Variants in CYB561D1 observed in about 807,000 individuals in gnomAD.
CYB561D1 encodes the protein cytochrome b561 family member D1.
In CYB561D1, 15 loss-of-function variants were observed where a neutral mutation model predicts 19.2. The observed-to-expected ratio is 0.78, with a 90% confidence interval of 0.52 to 1.20. CYB561D1 has a LOEUF of 1.20. CYB561D1 is among the 50% of genes most tolerant of loss of function. The pLI is 0.00. For synonymous variants in CYB561D1, 133 were observed against 120.6 expected (o/e 1.10, Z -0.68); for missense variants, 297 against 287.3 (o/e 1.03, Z -0.24).
intron 1 of CYB561D1, 192 bp downstream of exon 1, chr1:109,494,479 G>A (rs772954720): frequency 2.6e-6 from 4 of 1,546,900 alleles, no homozygotes; most frequent in South Asian, 1.2e-5. Context: ...GGTGCTGTGG[G>A]GGAAGGGCAG....
intron 1 of CYB561D1, among the ~76,000 whole-genome samples, chr1:109,494,843 A>T (rs1419351755): frequency 6.7e-6 from 1 of 148,518 alleles, no homozygotes; most frequent in Non-Finnish European, 1.5e-5. Flanking sequence ...TATCAAAAAA[A>T]AAACAAAAAA....
In CYB561D1 at chr1:109,498,536, C is replaced by G. The variant is rs1321800509; in HGVS notation, c.*2277C>G. 6.6e-6 allele frequency: 1 copy of G among 152,360 alleles called. No homozygotes were observed. The highest frequency in any genetic ancestry group is 1.9e-4 in the East Asian group (1 of 5,170). The allele number at this position is 152,360 out of a possible 1,614,324, so 9.4% of individuals were successfully genotyped here. On this transcript the variant is annotated 3_prime_UTR_variant, in exon 3 of 3. Coordinates refer to ENST00000420578, the MANE Select transcript of CYB561D1 (RefSeq NM_182580.3). The stretch of plus-strand genomic sequence containing the variant: ...ATTGTGGAGGGACTTCCCTCCCCCT[C>G]TTTTCCATTTCTCCCTCCATCACCA...
At position 109,500,083 on chromosome 1, in the gene CYB561D1, CT is replaced by C. The variant is rs1657815643; in HGVS notation, c.*3825del. 1.4e-5 allele frequency: 2 copies of C among 145,230 alleles called. No homozygotes were observed. Among genetic ancestry groups the C allele is most frequent in the Admixed American group, 1.3e-4 (2 of 15,052 alleles). The allele number at this position is 145,230 out of a possible 1,614,324, so 9.0% of individuals were successfully genotyped here. Reference sequence around the variant, plus strand: ...ACTTCCAGTACTCCTGCCCTTCCTTCTGTTTACCTGGCTTGGCCTACAGGGG... The same window carrying C: ...ACTTCCAGTACTCCTGCCCTTCCTTCGTTTACCTGGCTTGGCCTACAGGGG... On this transcript the variant is annotated 3_prime_UTR_variant, in exon 3 of 3. Transcript: ENST00000420578.
In CYB561D1 at chr1:109,495,128, CTCTT is replaced by C; in HGVS notation, c.149-13_149-10del. Reference sequence around the variant, plus strand: ...AATGGTACCAAGCCCTCAGCCTGTTCTCTTTGATTCTTAGGTCTTTTCTCCTGGC... The same window carrying C: ...AATGGTACCAAGCCCTCAGCCTGTTCTGATTCTTAGGTCTTTTCTCCTGGC... On this transcript the variant is annotated splice_polypyrimidine_tract_variant and intron_variant, in intron 1 of 2. Transcript: ENST00000420578. 6.2e-7 allele frequency: 1 copy of C among 1,614,202 alleles called. No homozygotes were observed. Among genetic ancestry groups the C allele is most frequent in the Non-Finnish European group, 8.5e-7 (1 of 1,180,028 alleles).
rs1017176687 is a variant in CYB561D1 at position 109,497,397 on chromosome 1, T to A, written c.*1138T>A. 6.6e-6 allele frequency: 1 copy of A among 152,268 alleles called. No individual in the cohort carries two copies. The highest frequency in any genetic ancestry group is 6.5e-5 in the Admixed American group (1 of 15,294). The allele number at this position is 152,268 out of a possible 1,614,324, so 9.4% of individuals were successfully genotyped here. A position where few individuals can be genotyped will look rare whatever the true frequency, so the allele number is the denominator to read the frequency against. On this transcript the variant is annotated 3_prime_UTR_variant, in exon 3 of 3. Transcript: ENST00000420578. ...TTATCTAAGCTTTCCTCAGTTGTCA[T>A]CTCTTCCCAGCTCTTTGGTCCAAGA...
At position 109,497,916 on chromosome 1, in the gene CYB561D1, G is replaced by A. The variant is rs1657661389; in HGVS notation, c.*1657G>A. On this transcript the variant is annotated 3_prime_UTR_variant, in exon 3 of 3. Coordinates refer to ENST00000420578, the MANE Select transcript of CYB561D1 (RefSeq NM_182580.3). ...CCTCCTGGGGGAGATTGCATCTCCAGGACAAGCATCTAAAGGAGGCCCCTG... is the reference window on the plus strand; with the variant it reads ...CCTCCTGGGGGAGATTGCATCTCCAAGACAAGCATCTAAAGGAGGCCCCTG... 6.6e-6 allele frequency: 1 copy of A among 152,398 alleles called. No individual in the cohort carries two copies. The highest frequency in any genetic ancestry group is 1.9e-4 in the East Asian group (1 of 5,182). The allele number at this position is 152,398 out of a possible 1,614,324, so 9.4% of individuals were successfully genotyped here. A position where few individuals can be genotyped will look rare whatever the true frequency, so the allele number is the denominator to read the frequency against.
At position 109,499,925 on chromosome 1, in the gene CYB561D1, G is replaced by T. The variant is rs373299716; in HGVS notation, c.*3666G>T. Reference sequence around the variant, plus strand: ...TAGCCACGCCTTGCAGTGACTTCTCGTCTGGGAGTGGGCACTGAGTCCTCT... The same window carrying T: ...TAGCCACGCCTTGCAGTGACTTCTCTTCTGGGAGTGGGCACTGAGTCCTCT... On this transcript the variant is annotated 3_prime_UTR_variant, in exon 3 of 3. Transcript: ENST00000420578. 6.6e-6 allele frequency: 1 copy of T among 152,266 alleles called. No homozygotes were observed. Among genetic ancestry groups the T allele is most frequent in the African/African-American group, 2.4e-5 (1 of 41,444 alleles). 9.4% of individuals were successfully genotyped at this position (152,266 alleles called of 1,614,324 possible).
At position 109,496,059 on chromosome 1, in the gene CYB561D1, C is replaced by G; in HGVS notation, c.490C>G (p.Leu164Val). Residue 164 changes from leucine (L) to valine (V), a missense_variant, in exon 3 of 3, where the codon CTC (leucine) becomes GTC (valine). Leu to Val is a conservative substitution (Grantham distance 32). Coordinates refer to ENST00000420578, the MANE Select transcript of CYB561D1 (RefSeq NM_182580.3). ...ARVSRVARLK[L>V]YHLTCGLVVY... ...GGTCTCAAGGGTGGCTCGCCTCAAG[C>G]TCTACCATCTGACATGTGGACTGGT... is the stretch of plus-strand genomic sequence containing the variant. 6.2e-7 allele frequency: 1 copy of G among 1,613,724 alleles called. No homozygotes were observed. Among genetic ancestry groups the G allele is most frequent in the Non-Finnish European group, 8.5e-7 (1 of 1,179,718 alleles).
intron 1 of CYB561D1, chr1:109,494,584 C>A: frequency 7.2e-7 from 1 of 1,397,106 alleles, no homozygotes. Flanking sequence ...TGCCTGAAAT[C>A]CCAGCACTTT....
At chr1:109,495,316 G>T (rs763875276) in intron 2 of CYB561D1, 136 bp downstream of exon 2, 7 of 1,080,768 alleles carry the variant, frequency 6.5e-6, no homozygotes, top group African/African-American at 1.6e-5. Flanking sequence ...ATCTTTCCCT[G>T]CAGCCTATGG....
chr1:109,496,282 G>C lies in CYB561D1; in HGVS notation c.*23G>C. The stretch of plus-strand genomic sequence containing the variant: ...TGAGTTCCTGCGAACGCTGAATCTA[G>C]GTGGGACGCTTGCCTTGAACATCAT... On this transcript the variant is annotated 3_prime_UTR_variant, in exon 3 of 3. Transcript: ENST00000420578. 4 of 1,544,366 alleles carry C rather than the reference G, an allele frequency of 2.6e-6. No homozygotes were observed. The highest frequency in any genetic ancestry group is 3.5e-6 in the Non-Finnish European group (4 of 1,140,540).
intron 1 of CYB561D1, 87 bp downstream of exon 1, chr1:109,494,374 G>A: frequency 2.0e-6 from 3 of 1,520,198 alleles, no homozygotes; most frequent in Non-Finnish European, 2.7e-6. Context: ...ACTTGGAGGA[G>A]GGACCCCAGC....
Position 109,496,116 on chromosome 1 carries a change from C to T in CYB561D1, c.547C>T (p.Leu183=), listed in dbSNP as rs1432682406. 3.1e-6 allele frequency: 5 copies of T among 1,614,236 alleles called. No homozygotes were observed. The highest frequency in any genetic ancestry group is 4.2e-6 in the Non-Finnish European group (5 of 1,180,040). The change falls in exon 3 of 3, where the codon CTG becomes TTG. Residue 183 remains leucine, a synonymous_variant. Transcript: ENST00000420578. ...VYLMATVTVL[L]GMYSVWFQAQ... ...CCTGATGGCTACAGTAACGGTGCTT[C>T]TGGGCATGTACTCAGTATGGTTCCA...
chr1:109,498,114 G>C lies in CYB561D1; in HGVS notation c.*1855G>C, dbSNP rs557895514. Reference sequence around the variant, plus strand: ...CTTTCCTCATCACAGCCAGTGCTGAGAGGCTCCTTCTACCTGCCGCAGGGT... The same window carrying C: ...CTTTCCTCATCACAGCCAGTGCTGACAGGCTCCTTCTACCTGCCGCAGGGT... On this transcript the variant is annotated 3_prime_UTR_variant, in exon 3 of 3. Transcript: ENST00000420578. 6.6e-6 allele frequency: 1 copy of C among 152,348 alleles called. No individual in the cohort carries two copies. Among genetic ancestry groups the C allele is most frequent in the Non-Finnish European group, 1.5e-5 (1 of 68,042 alleles). 9.4% of individuals were successfully genotyped at this position (152,348 alleles called of 1,614,324 possible).
chr1:109,499,817 C>T lies in CYB561D1; in HGVS notation c.*3558C>T, dbSNP rs774783964. 6 of 152,236 alleles carry T rather than the reference C, an allele frequency of 3.9e-5. No individual in the cohort carries two copies. The highest frequency in any genetic ancestry group is 8.8e-5 in the Non-Finnish European group (6 of 68,104). 9.4% of individuals were successfully genotyped at this position (152,236 alleles called of 1,614,324 possible). A position where few individuals can be genotyped will look rare whatever the true frequency, so the allele number is the denominator to read the frequency against. On this transcript the variant is annotated 3_prime_UTR_variant, in exon 3 of 3. Coordinates refer to ENST00000420578, the MANE Select transcript of CYB561D1 (RefSeq NM_182580.3). ...GCACTTGCAGGCTGAGTCAGTCAGCCCTCACCTTCCCCCTCCTTCCTGGGC... is the reference window on the plus strand; with the variant it reads ...GCACTTGCAGGCTGAGTCAGTCAGCTCTCACCTTCCCCCTCCTTCCTGGGC...
In CYB561D1 at chr1:109,496,263, C is replaced by T; in HGVS notation, c.*4C>T. ...GAGGAAGAAAATGGAAATGTGAGTT[C>T]CTGCGAACGCTGAATCTAGGTGGGA... On this transcript the variant is annotated 3_prime_UTR_variant, in exon 3 of 3. Transcript: ENST00000420578. The T allele has an allele frequency of 6.4e-7, 1 of 1,563,224 alleles. No individual in the cohort carries two copies.
In CYB561D1 at chr1:109,499,919, C is replaced by T. The variant is rs1408947071; in HGVS notation, c.*3660C>T. 1 of 152,276 alleles carries T rather than the reference C, an allele frequency of 6.6e-6. No homozygotes were observed. The highest frequency in any genetic ancestry group is 1.5e-5 in the Non-Finnish European group (1 of 68,078). The allele number at this position is 152,276 out of a possible 1,614,324, so 9.4% of individuals were successfully genotyped here. A position where few individuals can be genotyped will look rare whatever the true frequency, so the allele number is the denominator to read the frequency against. ...TGCTGCTAGCCACGCCTTGCAGTGA[C>T]TTCTCGTCTGGGAGTGGGCACTGAG... On this transcript the variant is annotated 3_prime_UTR_variant, in exon 3 of 3. Coordinates refer to ENST00000420578, the MANE Select transcript of CYB561D1 (RefSeq NM_182580.3).
At position 109,495,900 on chromosome 1, in the gene CYB561D1, A is replaced by C. The variant is rs1337302460; in HGVS notation, c.331A>C (p.Ile111Leu). Residue 111 changes from isoleucine (I) to leucine (L), a missense_variant, in exon 3 of 3, where the codon ATC becomes CTC. Transcript: ENST00000420578. ...ILCAALGLGF[I>L]ISSRTRSELP... The stretch of plus-strand genomic sequence containing the variant: ...CTGTGCAGCTCTGGGCCTGGGCTTC[A>C]TCATCTCCAGCAGGACCCGCAGTGA... 4 of 1,614,028 alleles carry C rather than the reference A, an allele frequency of 2.5e-6. No individual in the cohort carries two copies. Among genetic ancestry groups the C allele is most frequent in the Non-Finnish European group, 3.4e-6 (4 of 1,180,044 alleles).
At position 109,495,837 on chromosome 1, in the gene CYB561D1, A is replaced by C. The variant is rs779891255; in HGVS notation, c.268A>C (p.Ile90Leu). The change falls in exon 3 of 3, where the codon ATC becomes CTC. Residue 90 changes from isoleucine (I) to leucine (L), a missense_variant. Coordinates refer to ENST00000420578, the MANE Select transcript of CYB561D1 (RefSeq NM_182580.3). The stretch of plus-strand genomic sequence containing the variant: ...CTTCTTCTGCTCCCGAAAAGCACGG[A>C]TCCGGCTCCACTGGGCAGGGCAGAC... Reference protein sequence around the residue: ...LFFFCSRKARIRLHWAGQTLA... With the variant: ...LFFFCSRKARLRLHWAGQTLA... The C allele has an allele frequency of 6.8e-6, 11 of 1,613,718 alleles. No homozygotes were observed. In the Admixed American group the frequency reaches 1.8e-4, roughly 27 times the overall value.
Sources: allele counts gnomAD v4.1 joint callset (sites outside exome capture counted in the v4.1 genomes callset), GRCh38; gene constraint gnomAD v4.1.1; transcripts MANE v1.5; gene names NCBI Gene and HGNC (gene_info 2026-07-23, HGNC 2026-07-21).